Variants in MDGA2 observed in about 807,000 individuals in gnomAD.
MDGA2 encodes MAM domain containing glycosylphosphatidylinositol anchor 2, also known as MAM domain-containing glycosylphosphatidylinositol anchor protein 2.
MDGA2 carries 40 observed loss-of-function variants against 117.8 expected under a neutral mutation model. That is an observed-to-expected ratio of 0.34 (90% confidence interval 0.26 to 0.44). The LOEUF is 0.44. Among genes scored for constraint, MDGA2 ranks in the 20% least tolerant of loss-of-function variants. The pLI is 1.00. For missense variants in MDGA2, 1,123 were observed against 1,250.6 expected, an observed-to-expected ratio of 0.90 and a Z score of 1.54; for synonymous variants, 452 against 439.0, an observed-to-expected ratio of 1.03 and a Z score of -0.37.
chr14:46,983,172 A>C (rs1368809629), intron 8 of MDGA2, among the ~76,000 whole-genome samples: 1 of 152,166 alleles, frequency 6.6e-6, no homozygotes, highest in Non-Finnish European at 1.5e-5. Context: ...ATATCTATGC[A>C]CACTCCTAAA....
intron 13 of MDGA2, 76 bp downstream of exon 13, chr14:46,873,969 A>C (rs925818665): frequency 1.7e-6 from 2 of 1,162,130 alleles, no homozygotes; most frequent in Non-Finnish European, 2.4e-6. Context: ...ATATGGCTAA[A>C]TATTAGTATT....
chr14:47,365,403 G>C (rs972273709), intron 1 of MDGA2, among the ~76,000 whole-genome samples: 1 of 152,200 alleles, frequency 6.6e-6, no homozygotes, highest in African/African-American at 2.4e-5. Flanking sequence ...TTCACTGCAT[G>C]GAACACAAAG....
chr14:47,560,181 C>A (rs912510541), intron 1 of MDGA2, among the ~76,000 whole-genome samples: 1 of 151,844 alleles, frequency 6.6e-6, no homozygotes, highest in African/African-American at 2.4e-5. Flanking sequence ...CATTCTCCTG[C>A]GTCAGCCTTC....
At chr14:47,347,223 G>A (rs1890780320) in intron 1 of MDGA2, among the ~76,000 whole-genome samples, 2 of 152,128 alleles carry the variant, frequency 1.3e-5, no homozygotes, top group Admixed American at 6.5e-5. Context: ...ATTTTTAAAA[G>A]TCATTCTAAA....
intron 2 of MDGA2, among the ~76,000 whole-genome samples, chr14:47,238,037 G>A (rs145405308): frequency 7.2e-5 from 11 of 152,080 alleles, no homozygotes; most frequent in Admixed American, 2.0e-4. Flanking sequence ...TGAACTCAAG[G>A]CAAACCTACC....
At chr14:47,176,884 A>T (rs1884479090) in intron 3 of MDGA2, among the ~76,000 whole-genome samples, 1 of 152,156 alleles carries the variant, frequency 6.6e-6, no homozygotes, top group South Asian at 2.1e-4. Context: ...ATGGGAGAAA[A>T]TTTTCGCAAC....
chr14:47,363,119 G>A (rs911654242), intron 1 of MDGA2, among the ~76,000 whole-genome samples: 4 of 151,994 alleles, frequency 2.6e-5, no homozygotes, highest in Admixed American at 6.6e-5. Context: ...AATATCTAGT[G>A]AGGATGTCTT....
chr14:46,999,516 A>G (rs2138475587), intron 8 of MDGA2, among the ~76,000 whole-genome samples: 1 of 152,244 alleles, frequency 6.6e-6, no homozygotes, highest in African/African-American at 2.4e-5. Context: ...AAGAGTAGAA[A>G]AAATTTTCCC....
intron 2 of MDGA2, among the ~76,000 whole-genome samples, chr14:47,228,895 A>G (rs1886596428): frequency 6.6e-6 from 1 of 152,176 alleles, no homozygotes; most frequent in African/African-American, 2.4e-5. Context: ...TCAGTGCCCA[A>G]GATTTTTGCT....
chr14:47,463,781 AATC>A (rs1566469971), intron 1 of MDGA2, among the ~76,000 whole-genome samples: 2 of 152,098 alleles, frequency 1.3e-5, no homozygotes, highest in Non-Finnish European at 2.9e-5. Context: ...CATCTCATTT[AATC>A]ATCATATTTT....
chr14:46,867,181 GCA>G (rs1238926954), intron 14 of MDGA2, among the ~76,000 whole-genome samples: 1 of 152,136 alleles, frequency 6.6e-6, no homozygotes, highest in African/African-American at 2.4e-5. Context: ...AGAAAATGTG[GCA>G]CACATACACC....
rs374870862 is a variant in MDGA2 at position 46,884,709 on chromosome 14, A to G, written c.2239-2488T>C. Among the ~76,000 whole-genome samples the G allele has an allele frequency of 1.7e-3, 252 of 152,238 alleles. 5 individuals are homozygous for G. The highest frequency in any genetic ancestry group is 8.1e-3 in the South Asian group (39 of 4,834). On this transcript the variant is annotated intron_variant, in intron 10 of 16. Coordinates refer to ENST00000399232, the MANE Select transcript of MDGA2 (RefSeq NM_001113498.3). This position sits in a 1 kb window ranked among gnomAD's most constrained non-coding sequence, Gnocchi z 4.1. The stretch of plus-strand genomic sequence containing the variant: ...TTGGTTATGCATATGGAAAAAAACC[A>G]CTTGAATTGGAACCTTATATCTTAT...
At chr14:47,230,778 G>A (rs1303885541) in intron 2 of MDGA2, among the ~76,000 whole-genome samples, 4 of 151,736 alleles carry the variant, frequency 2.6e-5, no homozygotes, top group African/African-American at 7.3e-5. Context: ...TAAGATATGC[G>A]AAACTAAACT....
chr14:47,637,274 G>A (rs754614285), intron 1 of MDGA2, among the ~76,000 whole-genome samples: 3 of 152,126 alleles, frequency 2.0e-5, no homozygotes, highest in African/African-American at 4.8e-5. Flanking sequence ...TAATTCAAGC[G>A]CTTCTAACTC....
intron 7 of MDGA2, among the ~76,000 whole-genome samples, chr14:47,053,615 A>G (rs200866282): frequency 0.034 from 781 of 22,772 alleles, 15 homozygotes; most frequent in Non-Finnish European, 0.046. Context: ...ATATATATAT[A>G]TATATATATA....
intron 1 of MDGA2, among the ~76,000 whole-genome samples, chr14:47,589,737 G>A (rs1017622505): frequency 1.3e-5 from 2 of 151,890 alleles, no homozygotes; most frequent in African/African-American, 4.8e-5. Context: ...TTGTATGGAA[G>A]CTATAGATTA....
rs576552644 is a variant in MDGA2 at position 47,507,478 on chromosome 14, C to T, written c.280+167039G>A. Reference sequence around the variant, plus strand: ...ATTGTAAAGAGTGTACAAAACAGACCAGACCTGAAAAGGAGAGAGAACAAG... The same window carrying T: ...ATTGTAAAGAGTGTACAAAACAGACTAGACCTGAAAAGGAGAGAGAACAAG... On this transcript the variant is annotated intron_variant, in intron 1 of 16. Transcript: ENST00000399232. 6.6e-5 allele frequency among the ~76,000 whole-genome samples: 10 copies of T among 152,118 alleles called. No individual in the cohort carries two copies. The South Asian group carries it at 2.1e-3, about 32-fold the overall frequency.
chr14:47,507,549 A>T (rs1408191612), intron 1 of MDGA2, among the ~76,000 whole-genome samples: 1 of 152,184 alleles, frequency 6.6e-6, no homozygotes, highest in East Asian at 1.9e-4. Context: ...GAGCTGATAA[A>T]CCTCTCACTT....
intron 7 of MDGA2, among the ~76,000 whole-genome samples, chr14:47,042,312 G>GGTT (rs1889099224): frequency 1.5e-5 from 2 of 129,992 alleles, no homozygotes; most frequent in African/African-American, 3.0e-5. Context: ...CCAAATCTAT[G>GGTT]TTTTTTTTTT....
Sources: gnomAD v4.1 joint callset for allele counts (sites outside exome capture counted in the v4.1 genomes callset) on GRCh38, gnomAD v4.1.1 for gene constraint, Gnocchi (gnomAD v3.1) non-coding constraint, MANE v1.5 for transcripts, NCBI Gene and HGNC (gene_info 2026-07-23, HGNC 2026-07-21) for gene names.